Variants in RGSL1 observed in about 807,000 individuals in gnomAD.
RGSL1 encodes the protein regulator of G protein signaling like 1.
A neutral mutation model predicts 124.7 loss-of-function variants in RGSL1; 97 were observed. That is an observed-to-expected ratio of 0.78 (90% CI 0.66 to 0.92). The LOEUF is 0.92. RGSL1 is among the 40% of genes least tolerant of loss of function. The pLI is 0.00. For missense variants in RGSL1, 1,233 were observed against 1,288.4 expected (o/e 0.96, Z 0.66); for synonymous variants, 424 against 438.1 (o/e 0.97, Z 0.40).
At chr1:182,509,182 G>C (rs1228057495) in intron 9 of RGSL1, among the ~76,000 whole-genome samples, 1 of 71,064 alleles carries the variant, frequency 1.4e-5, no homozygotes, top group African/African-American at 5.3e-5. Context: ...ATCCTGGCCC[G>C]TTCTCAATGA....
chr1:182,504,290 T>C (rs1656638566), intron 9 of RGSL1, among the ~76,000 whole-genome samples: 1 of 152,042 alleles, frequency 6.6e-6, no homozygotes, highest in South Asian at 2.1e-4. Flanking sequence ...CCAGTTTCTC[T>C]TTATTGGTAC....
chr1:182,527,516 T>C (rs940967811), intron 10 of RGSL1, 63 bp from the exon 11 acceptor site: 3 of 1,398,730 alleles, frequency 2.1e-6, no homozygotes, highest in Admixed American at 2.4e-5. Flanking sequence ...CATTTCCTAA[T>C]TGAAACAGAA....
At chr1:182,555,935 A>G in intron 20 of RGSL1, 89 bp from the exon 21 acceptor site, 1 of 1,229,712 alleles carries the variant, frequency 8.1e-7, no homozygotes, top group Non-Finnish European at 1.2e-6. Flanking sequence ...TGCCATTCCT[A>G]AAGGAAATGA....
At chr1:182,486,228 T>C (rs1655085495) in intron 6 of RGSL1, among the ~76,000 whole-genome samples, 1 of 152,162 alleles carries the variant, frequency 6.6e-6, no homozygotes, top group South Asian at 2.1e-4. Context: ...TCTAGTTATT[T>C]CTTTTAATTG....
intron 9 of RGSL1, among the ~76,000 whole-genome samples, chr1:182,514,612 G>A (rs1657720824): frequency 6.6e-6 from 1 of 152,208 alleles, no homozygotes; most frequent in Non-Finnish European, 1.5e-5. Flanking sequence ...TTCAAGTCCT[G>A]TAGAGAGAAG....
rs112024387 is a variant in RGSL1 at position 182,554,596 on chromosome 1, T to C, written c.3131-31T>C. The C allele has an allele frequency of 2.2e-4, 337 of 1,547,276 alleles. No homozygotes were observed. The African/African-American group carries it at 4.1e-3, about 19-fold the overall frequency. On this transcript the variant is annotated intron_variant, in intron 19 of 21. Coordinates refer to ENST00000294854, the MANE Select transcript of RGSL1 (RefSeq NM_001137669.2). The stretch of plus-strand genomic sequence containing the variant: ...GTGACTGCGTCTATGTCATGAGTCC[T>C]GATGCAATTTTTCTCTGTATTTCTC...
chr1:182,544,155 G>A (rs544220153), intron 15 of RGSL1, among the ~76,000 whole-genome samples: 1 of 151,914 alleles, frequency 6.6e-6, no homozygotes, highest in South Asian at 2.1e-4. Flanking sequence ...TTTCCTCTTA[G>A]TACTGCTTTT....
intron 10 of RGSL1, among the ~76,000 whole-genome samples, chr1:182,523,502 T>G (rs1440095664): frequency 6.6e-6 from 1 of 152,186 alleles, no homozygotes; most frequent in Non-Finnish European, 1.5e-5. Context: ...TGGTCTCCAT[T>G]ATGCCTGTAG....
chr1:182,454,584 GTA>G lies in RGSL1; in HGVS notation c.96+546_96+547del, dbSNP rs1246426140. Among the ~76,000 whole-genome samples the G allele has an allele frequency of 1.1e-3, 119 of 106,672 alleles. 2 individuals carry two copies. In the South Asian group the frequency reaches 0.024, roughly 22 times the overall value. 70.0% of individuals were successfully genotyped at this position (106,672 alleles called of 152,430 possible). On this transcript the variant is annotated intron_variant, in intron 2 of 21. Coordinates refer to ENST00000294854, the MANE Select transcript of RGSL1 (RefSeq NM_001137669.2). ...TGGCACTTTGCAACTCTCTTGAGTT[GTA>G]TGTGTGTGTGTGTGTGTGTGTGTGT...
At chr1:182,537,984 C>T (rs1047127588) in intron 14 of RGSL1, among the ~76,000 whole-genome samples, 3 of 152,082 alleles carry the variant, frequency 2.0e-5, no homozygotes, top group African/African-American at 7.2e-5. Context: ...TCAGAGAGTC[C>T]ACTGAACTTG....
chr1:182,526,499 C>T (rs1367204050), intron 10 of RGSL1, among the ~76,000 whole-genome samples: 1 of 132,814 alleles, frequency 7.5e-6, no homozygotes, highest in Non-Finnish European at 1.7e-5. Flanking sequence ...GAAACTCCGT[C>T]TCTAAAAAAA....
intron 10 of RGSL1, among the ~76,000 whole-genome samples, chr1:182,526,626 C>T (rs931439849): frequency 3.3e-5 from 5 of 152,080 alleles, no homozygotes; most frequent in Admixed American, 2.6e-4. Flanking sequence ...GAGCTGTGTT[C>T]GTGTCACTGC....
At chr1:182,463,437 A>G (rs369949847) in intron 4 of RGSL1, among the ~76,000 whole-genome samples, 1 of 152,240 alleles carries the variant, frequency 6.6e-6, no homozygotes, top group South Asian at 2.1e-4. Flanking sequence ...AGTCAAAGAC[A>G]TAGATTGAAA....
At chr1:182,466,123 GA>G (rs35257455) in intron 4 of RGSL1, among the ~76,000 whole-genome samples, 13,024 of 150,298 alleles carry the variant, frequency 0.087, 763 homozygotes, top group East Asian at 0.26. Context: ...ACCCTTTCAT[GA>G]AAAAAAAATG....
In RGSL1 at chr1:182,488,346, C is replaced by A. The variant is rs751578397; in HGVS notation, c.1493C>A (p.Thr498Lys). The A allele has an allele frequency of 6.4e-7, 1 of 1,551,864 alleles. No individual in the cohort carries two copies. Among genetic ancestry groups the A allele is most frequent in the African/African-American group, 1.4e-5 (1 of 72,978 alleles). Residue 498 changes from threonine to lysine, a missense_variant and splice_region_variant, in exon 7 of 22, where the codon ACG becomes AAG. Physicochemically the swap from Thr to Lys is moderately conservative, Grantham distance 78 (BLOSUM62 -1). Transcript: ENST00000294854. ...DEEDYWFLLF[T>K]TQNRFISSRQ... ...GAGGACTACTGGTTTCTCCTTTTTA[C>A]GGTAGGAAGGACTTTGGGTTAGGAA...
intron 15 of RGSL1, among the ~76,000 whole-genome samples, chr1:182,543,897 G>A (rs1660046583): frequency 6.6e-6 from 1 of 151,788 alleles, no homozygotes; most frequent in Non-Finnish European, 1.5e-5. Context: ...TCTTCTCTCT[G>A]CCTTTATCAG....
At chr1:182,540,141 A>G (rs1659797788) in intron 14 of RGSL1, 106 bp from the exon 15 acceptor site, 4 of 1,175,016 alleles carry the variant, frequency 3.4e-6, no homozygotes, top group South Asian at 1.9e-5. Flanking sequence ...TCAGTAGGCC[A>G]AAAGGATGGA....
intron 1 of RGSL1, 138 bp downstream of exon 1, chr1:182,450,316 C>A: frequency 2.2e-6 from 2 of 917,700 alleles, no homozygotes; most frequent in South Asian, 1.4e-5. Flanking sequence ...CCTTTGTTTT[C>A]CTTCTCTTTC....
At chr1:182,524,579 T>C (rs1658600127) in intron 10 of RGSL1, among the ~76,000 whole-genome samples, 1 of 152,190 alleles carries the variant, frequency 6.6e-6, no homozygotes, top group Non-Finnish European at 1.5e-5. Flanking sequence ...AAAAAATTGC[T>C]TATCCAAGAA....
Sources: gnomAD v4.1 joint callset for allele counts (sites outside exome capture counted in the v4.1 genomes callset) on GRCh38, gnomAD v4.1.1 for gene constraint, MANE v1.5 for transcripts, NCBI Gene and HGNC (gene_info 2026-07-23, HGNC 2026-07-21) for gene names.